Variants in FAT4 observed in about 807,000 individuals in gnomAD.
FAT4 encodes the protein FAT atypical cadherin 4.
FAT4 carries 84 observed loss-of-function variants against 303.9 expected under a neutral mutation model. That is an observed-to-expected ratio of 0.28 (90% confidence interval 0.23 to 0.33). The LOEUF (loss-of-function observed/expected upper bound fraction) is 0.33. Ranked by LOEUF, FAT4 falls within the 10% of genes least tolerant of loss-of-function variation. The probability of loss-of-function intolerance (pLI) is 1.00; values close to 1 mark genes in which losing one functional copy is unlikely to be tolerated. For missense variants in FAT4, 6,005 were observed against 6,146.8 expected, an observed-to-expected ratio of 0.98 and a Z score of 0.77; for synonymous variants, 2,307 against 2,298.8, an observed-to-expected ratio of 1.00 and a Z score of -0.10.
rs558752724 is a variant in FAT4, at chr4:125,379,832, AAC to A, written c.5176-18944_5176-18943del. On this transcript the variant is annotated intron_variant, in intron 2 of 17. Transcript: ENST00000394329. ...ATACCTTGTATATTCTAAAAAAAAA[AAC>A]ACACACATATATATGTATACATATT... is the stretch of plus-strand genomic sequence containing the variant. Among the ~76,000 whole-genome samples, 6 of 150,708 alleles carry A rather than the reference AAC, an allele frequency of 4.0e-5. No individual in the cohort carries two copies. In the South Asian group the frequency reaches 1.3e-3, roughly 32 times the overall value.
chr4:125,369,308 A>G (rs371221526), intron 2 of FAT4, among the ~76,000 whole-genome samples: 1 of 152,220 alleles, frequency 6.6e-6, no homozygotes, highest in South Asian at 2.1e-4. Flanking sequence ...TGGCGCGTGC[A>G]TTAATACCAG....
intron 2 of FAT4, among the ~76,000 whole-genome samples, chr4:125,374,348 T>C (rs1560785355): frequency 6.6e-6 from 1 of 152,166 alleles, no homozygotes; most frequent in African/African-American, 2.4e-5. Flanking sequence ...GCCCCTATTT[T>C]TAAAATGATG....
intron 7 of FAT4, among the ~76,000 whole-genome samples, chr4:125,424,233 T>C (rs1725006875): frequency 6.6e-6 from 1 of 152,124 alleles, no homozygotes; most frequent in Admixed American, 6.5e-5. Flanking sequence ...TTAATCCCCA[T>C]GTGTCCTGAG....
At chr4:125,344,826 C>G (rs1253683259) in intron 2 of FAT4, among the ~76,000 whole-genome samples, 1 of 152,050 alleles carries the variant, frequency 6.6e-6, no homozygotes, top group African/African-American at 2.4e-5. Flanking sequence ...TGCCCCCCAC[C>G]ACCATGACTA....
intron 2 of FAT4, among the ~76,000 whole-genome samples, chr4:125,350,171 C>T (rs1161232564): frequency 6.6e-6 from 1 of 151,578 alleles, no homozygotes; most frequent in African/African-American, 2.4e-5. Flanking sequence ...TAAAGTGCAG[C>T]AATTCATGCA....
chr4:125,341,870 A>T (rs1010644795), intron 2 of FAT4, among the ~76,000 whole-genome samples: 2 of 152,026 alleles, frequency 1.3e-5, no homozygotes, highest in Non-Finnish European at 2.9e-5. Flanking sequence ...TGTGTCTTCC[A>T]AAGACATTGA....
At chr4:125,396,924 GTGTATATATATA>G (rs1241381946) in intron 2 of FAT4, among the ~76,000 whole-genome samples, 4 of 19,440 alleles carry the variant, frequency 2.1e-4, no homozygotes, top group South Asian at 8.6e-3. Flanking sequence ...GTATGTGTGT[GTGTATATATATA>G]TATATATATA....
In FAT4 at chr4:125,491,302, G is replaced by C. The variant is rs368984725; in HGVS notation, c.14486G>C (p.Arg4829Thr). The change falls in exon 18 of 18, where the codon AGG becomes ACG. Residue 4829 changes from arginine (R) to threonine (T), a missense_variant. By Grantham distance (71) the Arg-to-Thr change is moderately conservative. Transcript: ENST00000394329. ...EDCRRPLSRT[R>T]NPADGIPAPE... The stretch of plus-strand genomic sequence containing the variant: ...TGCAGAAGGCCACTGTCTAGAACAA[G>C]GAATCCAGCGGATGGCATTCCAGCT... 19 of 1,614,044 alleles carry C rather than the reference G, an allele frequency of 1.2e-5. No individual in the cohort carries two copies. The highest frequency in any genetic ancestry group is 3.4e-6 in the Non-Finnish European group (4 of 1,180,038).
intron 16 of FAT4, among the ~76,000 whole-genome samples, chr4:125,482,274 T>C: frequency 6.6e-6 from 1 of 152,206 alleles, no homozygotes; most frequent in East Asian, 1.9e-4. Flanking sequence ...TGGAATTCAT[T>C]ATAATTTTAC....
intron 2 of FAT4, among the ~76,000 whole-genome samples, chr4:125,372,744 C>T (rs557107364): frequency 3.9e-5 from 6 of 152,206 alleles, no homozygotes; most frequent in African/African-American, 1.4e-4. Context: ...AAACTGATTT[C>T]AAAGTGTTTT....
chr4:125,396,727 A>G (rs1734187886), intron 2 of FAT4, among the ~76,000 whole-genome samples: 1 of 152,144 alleles, frequency 6.6e-6, no homozygotes, highest in Non-Finnish European at 1.5e-5. Flanking sequence ...CAGATGAAAG[A>G]CAATTTAGAA....
intron 8 of FAT4, among the ~76,000 whole-genome samples, chr4:125,436,218 G>A (rs879550494): frequency 6.6e-6 from 1 of 151,534 alleles, no homozygotes; most frequent in Non-Finnish European, 1.5e-5. Flanking sequence ...GAAATTGGAC[G>A]TGAGATCAAA....
chr4:125,316,224 A>G lies in FAT4; in HGVS notation c.-12-176A>G, dbSNP rs565365448. 5.9e-5 allele frequency among the ~76,000 whole-genome samples: 9 copies of G among 152,258 alleles called. No individual in the cohort carries two copies. Among genetic ancestry groups the G allele is most frequent in the Middle Eastern group, 3.4e-3 (1 of 294 alleles). On this transcript the variant is annotated intron_variant, in intron 1 of 17. Coordinates refer to ENST00000394329, the MANE Select transcript of FAT4 (RefSeq NM_001291303.3). This position sits in a 1 kb window ranked among gnomAD's most constrained non-coding sequence, Gnocchi z 5.7. Reference sequence around the variant, plus strand: ...GCATCTCTCTTGCACTCCGCGTTCAACTGGCTACCTAGAGTCTTTTGCTGA... The same window carrying G: ...GCATCTCTCTTGCACTCCGCGTTCAGCTGGCTACCTAGAGTCTTTTGCTGA...
chr4:125,379,564 A>G (rs781077707), intron 2 of FAT4, among the ~76,000 whole-genome samples: 3 of 151,914 alleles, frequency 2.0e-5, no homozygotes, highest in Non-Finnish European at 2.9e-5. Context: ...GCTTCAAGCA[A>G]TTCTTTTGCC....
intron 5 of FAT4, among the ~76,000 whole-genome samples, chr4:125,410,642 G>A (rs1013071217): frequency 1.3e-5 from 2 of 152,000 alleles, no homozygotes; most frequent in Non-Finnish European, 2.9e-5. Context: ...TTGTTTCATA[G>A]AATTGTATGT....
chr4:125,418,374 A>G (rs925426560), intron 7 of FAT4, among the ~76,000 whole-genome samples: 3 of 152,126 alleles, frequency 2.0e-5, no homozygotes, highest in Non-Finnish European at 2.9e-5. Flanking sequence ...AAATGTTTCA[A>G]TGTGGGAGGG....
At chr4:125,413,045 T>A (rs1332663042) in intron 5 of FAT4, among the ~76,000 whole-genome samples, 1 of 151,832 alleles carries the variant, frequency 6.6e-6, no homozygotes, top group Non-Finnish European at 1.5e-5. Flanking sequence ...ATAAATTCTG[T>A]GTGTATATAT....
intron 2 of FAT4, among the ~76,000 whole-genome samples, chr4:125,327,070 G>C (rs1315802880): frequency 6.6e-6 from 1 of 152,130 alleles, no homozygotes; most frequent in African/African-American, 2.4e-5. Context: ...AAAATAAAGG[G>C]AAACAATTTT....
chr4:125,427,887 A>C (rs1192040158), intron 7 of FAT4, among the ~76,000 whole-genome samples: 1 of 152,252 alleles, frequency 6.6e-6, no homozygotes, highest in East Asian at 1.9e-4. Flanking sequence ...GCTATTATAA[A>C]AAATATAATC....
Sources: allele counts gnomAD v4.1 joint callset (sites outside exome capture counted in the v4.1 genomes callset), GRCh38; gene constraint gnomAD v4.1.1; non-coding constraint Gnocchi (gnomAD v3.1); transcripts MANE v1.5; gene names NCBI Gene and HGNC (gene_info 2026-07-23, HGNC 2026-07-21).